The following NEIL1 variants were observed in gnomAD, a reference collection of about 807,000 sequenced individuals.
The protein encoded by NEIL1 is endonuclease 8-like 1.
A neutral mutation model predicts 44.2 loss-of-function variants in NEIL1; 31 were observed. The ratio of observed to expected loss-of-function variants is 0.70; its 90% CI spans 0.53 to 0.95. The LOEUF (loss-of-function observed/expected upper bound fraction) is 0.95. NEIL1 is among the 40% of genes least tolerant of loss of function. The pLI is 0.00. For missense variants in NEIL1, 549 were observed against 515.5 expected (o/e 1.07, Z -0.63); for synonymous variants, 254 against 209.7 (o/e 1.21, Z -1.83).
rs756397118 is a variant in NEIL1, at chr15:75,355,074, T to C, written c.*40T>C. 5.0e-6 allele frequency: 8 copies of C among 1,586,674 alleles called. No homozygotes were observed. Among genetic ancestry groups the C allele is most frequent in the Non-Finnish European group, 6.9e-6 (8 of 1,160,410 alleles). On this transcript the variant is annotated 3_prime_UTR_variant, in exon 10 of 10. Transcript: ENST00000355059. Reference sequence around the variant, plus strand: ...TGCTTGCACTCACCCTTTCTTATTGTCTTGCCCTGCATCTGGGGGTCTGAA... The same window carrying C: ...TGCTTGCACTCACCCTTTCTTATTGCCTTGCCCTGCATCTGGGGGTCTGAA...
chr15:75,356,003 G>C lies in NEIL1; in HGVS notation c.*969G>C, dbSNP rs754077447. 24 of 1,613,954 alleles carry C rather than the reference G, an allele frequency of 1.5e-5. No individual in the cohort carries two copies. The highest frequency in any genetic ancestry group is 1.6e-4 in the Middle Eastern group (1 of 6,082). The stretch of plus-strand genomic sequence containing the variant: ...GTTGTCCCGAAGGGTCAAGTGGCCA[G>C]CAGGGTCTGGTCGCTCCAAGAGATC... On this transcript the variant is annotated 3_prime_UTR_variant, in exon 10 of 10. Coordinates refer to ENST00000355059, the MANE Select transcript of NEIL1 (RefSeq NM_024608.4). The surrounding 1 kb of genome is among the most constrained non-coding windows in gnomAD (Gnocchi z 5.8).
intron 2 of NEIL1, among the ~76,000 whole-genome samples, chr15:75,350,210 CTTCCT>C (rs1478632040): frequency 1.3e-5 from 2 of 152,382 alleles, no homozygotes; most frequent in Non-Finnish European, 2.9e-5. Context: ...GTGTTGGCCA[CTTCCT>C]TTCCTCTGAA....
chr15:75,348,587 G>A, intron 1 of NEIL1: 1 of 1,259,016 alleles, frequency 7.9e-7, no homozygotes, highest in Non-Finnish European at 1.0e-6. Context: ...GGCTGCAGCC[G>A]CGGCCCCGCA....
rs751989024 is a variant in NEIL1 at position 75,352,421 on chromosome 15, G to A, written c.618+34G>A. On this transcript the variant is annotated intron_variant, in intron 4 of 9. Coordinates refer to ENST00000355059, the MANE Select transcript of NEIL1 (RefSeq NM_024608.4). ...AGAGAGGGATGGAGCACACGTGCTG[G>A]CACACTGGTGTCCACATGGGCCGGC... The A allele has an allele frequency of 1.2e-5, 20 of 1,610,334 alleles. No individual in the cohort carries two copies. The East Asian group carries it at 4.2e-4, about 34-fold the overall frequency.
Position 75,353,867 on chromosome 15 carries a change from G to A in NEIL1, c.846+1G>A. 3 of 1,612,468 alleles carry A rather than the reference G, an allele frequency of 1.9e-6. No homozygotes were observed. Among genetic ancestry groups the A allele is most frequent in the Non-Finnish European group, 2.5e-6 (3 of 1,179,950 alleles). ...GCATGGCCGTACCATCTGGTTCCAG[G>A]TTGGGCCCTACTGTTCACACAGGCA... On this transcript the variant is annotated splice_donor_variant, in intron 6 of 9. Transcript: ENST00000355059. LOFTEE classifies it high-confidence loss of function.
At position 75,356,943 on chromosome 15, in the gene NEIL1, C is replaced by A; in HGVS notation, c.*1909C>A. The A allele has an allele frequency of 6.5e-7, 1 of 1,531,342 alleles. No individual in the cohort carries two copies. The highest frequency in any genetic ancestry group is 1.1e-5 in the South Asian group (1 of 89,074). The allele number at this position is 1,531,342 out of a possible 1,614,324, so 94.9% of individuals were successfully genotyped here. On this transcript the variant is annotated 3_prime_UTR_variant, in exon 10 of 10. Transcript: ENST00000355059. The surrounding 1 kb of genome is among the most constrained non-coding windows in gnomAD (Gnocchi z 5.8). ...AAGACCCACTTGGTGGCCCTGTGCCCCTCTTTGTGCTCCCAGACTCCAGAG... is the reference window on the plus strand; with the variant it reads ...AAGACCCACTTGGTGGCCCTGTGCCACTCTTTGTGCTCCCAGACTCCAGAG...
chr15:75,356,928 T>G lies in NEIL1; in HGVS notation c.*1894T>G, dbSNP rs1345542241. The G allele has an allele frequency of 6.3e-7, 1 of 1,593,246 alleles. No individual in the cohort carries two copies. Among genetic ancestry groups the G allele is most frequent in the Non-Finnish European group, 8.6e-7 (1 of 1,161,510 alleles). ...CTGGAGGGCAGATCCAAGACCCACT[T>G]GGTGGCCCTGTGCCCCTCTTTGTGC... is the stretch of plus-strand genomic sequence containing the variant. On this transcript the variant is annotated 3_prime_UTR_variant, in exon 10 of 10. Transcript: ENST00000355059. This position sits in a 1 kb window ranked among gnomAD's most constrained non-coding sequence, Gnocchi z 5.8.
At chr15:75,349,617 C>T (rs1016511650) in intron 2 of NEIL1, 15 of 449,834 alleles carry the variant, frequency 3.3e-5, no homozygotes, top group Non-Finnish European at 6.0e-5. Flanking sequence ...AGTTCGAGAC[C>T]AGCCTGGCCA....
chr15:75,349,070 G>T lies in NEIL1; in HGVS notation c.165G>T (p.Glu55Asp), dbSNP rs778667636. Residue 55 changes from glutamate (E) to aspartate (D), a missense_variant, in exon 2 of 10, where the codon GAG (glutamate) becomes GAT (aspartate). By Grantham distance (45) the Glu-to-Asp change is conservative. Transcript: ENST00000355059. ...YRISASARGK[E>D]LRLILSPLPG... Reference sequence around the variant, plus strand: ...TCTCAGCTTCAGCCCGCGGCAAGGAGCTGCGCCTGATACTGAGCCCTCTGC... The same window carrying T: ...TCTCAGCTTCAGCCCGCGGCAAGGATCTGCGCCTGATACTGAGCCCTCTGC... 3.1e-6 allele frequency: 5 copies of T among 1,613,136 alleles called. No individual in the cohort carries two copies. Among genetic ancestry groups the T allele is most frequent in the Non-Finnish European group, 4.2e-6 (5 of 1,179,994 alleles).
rs936739135 is a variant in NEIL1, at chr15:75,349,343, G to A, written c.434+4G>A. The A allele has an allele frequency of 2.3e-5, 36 of 1,596,908 alleles. No homozygotes were observed. The highest frequency in any genetic ancestry group is 3.1e-5 in the Non-Finnish European group (36 of 1,170,796). ...TGCAGGAGTACCAGCAGTTCAGGTA[G>A]GGCCAGCACCAGGTGTGATGAACAT... On this transcript the variant is annotated splice_donor_region_variant and intron_variant, in intron 2 of 9. Coordinates refer to ENST00000355059, the MANE Select transcript of NEIL1 (RefSeq NM_024608.4).
At chr15:75,347,664 C>G (rs1390995185) in intron 1 of NEIL1, 191 bp downstream of exon 1, 1 of 314,674 alleles carries the variant, frequency 3.2e-6, no homozygotes, top group Admixed American at 6.2e-5. Context: ...GTGCGGGTTC[C>G]CGGGGAGGGG....
At chr15:75,348,094 C>G in intron 1 of NEIL1, 2 of 948,794 alleles carry the variant, frequency 2.1e-6, no homozygotes, top group South Asian at 4.6e-5. Context: ...CCCCCAGGCC[C>G]GGGGCAGGAG....
chr15:75,356,501 CT>C lies in NEIL1; in HGVS notation c.*1468del. On this transcript the variant is annotated 3_prime_UTR_variant, in exon 10 of 10. Coordinates refer to ENST00000355059, the MANE Select transcript of NEIL1 (RefSeq NM_024608.4). This position sits in a 1 kb window ranked among gnomAD's most constrained non-coding sequence, Gnocchi z 5.8. ...GGTGGAGAATGGGGGCTACCCTCCC[CT>C]GTCCCTAGAAGGGGCAGGAAGCCAG... is the stretch of plus-strand genomic sequence containing the variant. The C allele has an allele frequency of 6.4e-7, 1 of 1,565,812 alleles. No homozygotes were observed. Among genetic ancestry groups the C allele is most frequent in the Non-Finnish European group, 8.6e-7 (1 of 1,156,382 alleles).
In NEIL1 at chr15:75,356,736, G is replaced by C. The variant is rs747869743; in HGVS notation, c.*1702G>C. The stretch of plus-strand genomic sequence containing the variant: ...CCACGCTGAAGCTGTTGGAGTTGTG[G>C]TCGGGAAGACCCATTTCTCCATGCC... On this transcript the variant is annotated 3_prime_UTR_variant, in exon 10 of 10. Coordinates refer to ENST00000355059, the MANE Select transcript of NEIL1 (RefSeq NM_024608.4). This position sits in a 1 kb window ranked among gnomAD's most constrained non-coding sequence, Gnocchi z 5.8. 6.2e-7 allele frequency: 1 copy of C among 1,612,482 alleles called. No homozygotes were observed. Among genetic ancestry groups the C allele is most frequent in the Non-Finnish European group, 8.5e-7 (1 of 1,178,974 alleles).
At chr15:75,348,281 G>GGCCGCTCCC (rs1031223754) in intron 1 of NEIL1, 24 of 974,174 alleles carry the variant, frequency 2.5e-5, no homozygotes, top group Middle Eastern at 5.2e-4. Context: ...CGGCCGATTC[G>GGCCGCTCCC]GCCGCTCCCG....
chr15:75,354,783 A>G lies in NEIL1; in HGVS notation c.1067A>G (p.Lys356Arg), dbSNP rs2072220416. The change falls in exon 9 of 10, where the codon AAG becomes AGG. Residue 356 changes from lysine (K) to arginine (R), a missense_variant. Coordinates refer to ENST00000355059, the MANE Select transcript of NEIL1 (RefSeq NM_024608.4). ...GACCCAGAAGCTCCCACAGTGCCCA[A>G]GAAGGGGAGGAGGAAGGGGCGACAG... Reference protein sequence around the residue: ...QQDPEAPTVPKKGRRKGRQAA... With the variant: ...QQDPEAPTVPRKGRRKGRQAA... 1.2e-6 allele frequency: 2 copies of G among 1,613,994 alleles called. No homozygotes were observed. Among genetic ancestry groups the G allele is most frequent in the Non-Finnish European group, 8.5e-7 (1 of 1,180,030 alleles).
rs142819572 is a variant in NEIL1, at chr15:75,352,698, T to C, written c.715T>C (p.Leu239=). 9 of 1,609,672 alleles carry C rather than the reference T, an allele frequency of 5.6e-6. No homozygotes were observed. The highest frequency in any genetic ancestry group is 5.3e-5 in the African/African-American group (4 of 74,780). The part of the protein sequence containing the change: ...CHSVPKEVVQ[L]GGKGYGSESG... ...CTCAGTGCCCAAGGAAGTGGTCCAGTTGGGTGAGGCCAAAGATGGCAGCAA... is the reference window on the plus strand; with the variant it reads ...CTCAGTGCCCAAGGAAGTGGTCCAGCTGGGTGAGGCCAAAGATGGCAGCAA... Residue 239 remains leucine (L), a synonymous_variant, in exon 5 of 10, where the codon TTG becomes CTG. Coordinates refer to ENST00000355059, the MANE Select transcript of NEIL1 (RefSeq NM_024608.4).
intron 2 of NEIL1, among the ~76,000 whole-genome samples, chr15:75,351,023 G>A (rs958777441): frequency 1.3e-5 from 2 of 152,166 alleles, no homozygotes; most frequent in African/African-American, 2.4e-5. Context: ...GACCCTTGGA[G>A]GTGGGGTGGG....
At chr15:75,354,941 C>T (rs1308653058) in intron 9 of NEIL1, 23 bp from the exon 10 acceptor site, 1 of 1,613,542 alleles carries the variant, frequency 6.2e-7, no homozygotes, top group Non-Finnish European at 8.5e-7. Flanking sequence ...CTTAGCTGAC[C>T]ATCTTGCCTG....
Sources: gnomAD v4.1 joint callset for allele counts (sites outside exome capture counted in the v4.1 genomes callset) on GRCh38, gnomAD v4.1.1 for gene constraint, Gnocchi (gnomAD v3.1) non-coding constraint, MANE v1.5 for transcripts, NCBI Gene and HGNC (gene_info 2026-07-23, HGNC 2026-07-21) for gene names.